PHYHIPL: variants seen among roughly 807,000 people sequenced by gnomAD.
The protein encoded by PHYHIPL is phytanoyl-CoA 2-hydroxylase interacting protein like.
Under a neutral mutation model 33.4 loss-of-function variants are expected in PHYHIPL, and 9 were observed. The observed-to-expected ratio is 0.27, with a 90% CI of 0.16 to 0.47. The LOEUF (loss-of-function observed/expected upper bound fraction) is 0.47. Ranked by LOEUF, PHYHIPL falls within the 20% of genes least tolerant of loss-of-function variation. The pLI, the probability that PHYHIPL is intolerant of heterozygous loss-of-function variation, is 0.99. For synonymous variants in PHYHIPL, 153 were observed against 154.1 expected (o/e 0.99, Z 0.05); for missense variants, 365 against 460.7 (o/e 0.79, Z 1.90).
chr10:59,176,775 T>G lies in PHYHIPL; in HGVS notation c.-79T>G. 1 of 1,317,164 alleles carries G rather than the reference T, an allele frequency of 7.6e-7. No individual in the cohort carries two copies. The allele number at this position is 1,317,164 out of a possible 1,614,324, so 81.6% of individuals were successfully genotyped here. On this transcript the variant is annotated 5_prime_UTR_variant, in exon 1 of 5. Coordinates refer to ENST00000373880, the MANE Select transcript of PHYHIPL (RefSeq NM_032439.4). Reference sequence around the variant, plus strand: ...CCCTCCCTCTGCCACTCCCCCTCCCTTTCCCGCTCTTCTTGCCCACCCGGC... The same window carrying G: ...CCCTCCCTCTGCCACTCCCCCTCCCGTTCCCGCTCTTCTTGCCCACCCGGC...
chr10:59,181,403 A>G (rs1182248412), intron 1 of PHYHIPL, among the ~76,000 whole-genome samples: 1 of 152,144 alleles, frequency 6.6e-6, no homozygotes, highest in Non-Finnish European at 1.5e-5. Context: ...TGAAATCACA[A>G]TTATAGTACT....
At chr10:59,230,083 G>T (rs144607787) in intron 1 of PHYHIPL, among the ~76,000 whole-genome samples, 4 of 152,138 alleles carry the variant, frequency 2.6e-5, no homozygotes, top group Non-Finnish European at 5.9e-5. Flanking sequence ...TGTAAAATGG[G>T]CTTATTATCC....
At chr10:59,203,695 C>T (rs1236616740) in intron 1 of PHYHIPL, among the ~76,000 whole-genome samples, 1 of 144,830 alleles carries the variant, frequency 6.9e-6, no homozygotes, top group Non-Finnish European at 1.5e-5. Context: ...CATGTTCTCA[C>T]TCATAAGTGG....
intron 1 of PHYHIPL, among the ~76,000 whole-genome samples, chr10:59,184,765 A>G (rs1838520497): frequency 6.6e-6 from 1 of 151,700 alleles, no homozygotes; most frequent in Non-Finnish European, 1.5e-5. Flanking sequence ...GTCATTTAGC[A>G]TTAGGTATAT....
chr10:59,235,404 A>G (rs972679979), intron 2 of PHYHIPL, among the ~76,000 whole-genome samples: 7 of 151,840 alleles, frequency 4.6e-5, no homozygotes, highest in Admixed American at 3.9e-4. Flanking sequence ...GTTTTCACTG[A>G]TGATGAAAAT....
intron 1 of PHYHIPL, among the ~76,000 whole-genome samples, chr10:59,225,657 A>T (rs895833914): frequency 2.0e-5 from 3 of 152,194 alleles, no homozygotes; most frequent in African/African-American, 7.2e-5. Flanking sequence ...AGAATAAACT[A>T]ATATGAAGTT....
intron 1 of PHYHIPL, among the ~76,000 whole-genome samples, chr10:59,213,074 G>C (rs1232680824): frequency 4.6e-5 from 7 of 151,972 alleles, no homozygotes; most frequent in Non-Finnish European, 1.0e-4. Context: ...CTCTGTATAT[G>C]GTTCCAAAAT....
chr10:59,211,434 T>C (rs1216096876), intron 1 of PHYHIPL, among the ~76,000 whole-genome samples: 1 of 151,990 alleles, frequency 6.6e-6, no homozygotes, highest in Admixed American at 6.6e-5. Context: ...TGGAGTACAA[T>C]GGCATGATCT....
intron 1 of PHYHIPL, among the ~76,000 whole-genome samples, chr10:59,180,257 T>TACACAC (rs140480148): frequency 0.12 from 13,982 of 118,640 alleles, 993 homozygotes; most frequent in South Asian, 0.17. Flanking sequence ...ATCATATATA[T>TACACAC]ACACACACAC....
At chr10:59,241,486 T>C (rs1269014581) in intron 4 of PHYHIPL, among the ~76,000 whole-genome samples, 1 of 152,156 alleles carries the variant, frequency 6.6e-6, no homozygotes, top group Non-Finnish European at 1.5e-5. Context: ...TAATTGTCCT[T>C]AAAACTCCTT....
At chr10:59,231,978 G>T (rs1840094727) in intron 1 of PHYHIPL, among the ~76,000 whole-genome samples, 1 of 151,856 alleles carries the variant, frequency 6.6e-6, no homozygotes. Flanking sequence ...GAGTGTAAGA[G>T]GAAACAAAAC....
At chr10:59,204,059 A>T (rs543676255) in intron 1 of PHYHIPL, among the ~76,000 whole-genome samples, 1 of 152,208 alleles carries the variant, frequency 6.6e-6, no homozygotes, top group African/African-American at 2.4e-5. Context: ...ATCAAATTCC[A>T]TGGGAAGTCT....
chr10:59,175,024 G>C (rs1838225457), upstream of PHYHIPL, among the ~76,000 whole-genome samples: 1 of 151,670 alleles, frequency 6.6e-6, no homozygotes, highest in South Asian at 2.1e-4. Flanking sequence ...TTTTTTTTGA[G>C]ATTTATAAAT....
At chr10:59,215,160 G>T (rs181600774) in intron 1 of PHYHIPL, among the ~76,000 whole-genome samples, 1 of 152,138 alleles carries the variant, frequency 6.6e-6, no homozygotes, top group Non-Finnish European at 1.5e-5. Flanking sequence ...CTTGGGGATG[G>T]AGTTGACAGG....
At chr10:59,180,131 A>G (rs1033684988) in intron 1 of PHYHIPL, among the ~76,000 whole-genome samples, 9 of 151,276 alleles carry the variant, frequency 5.9e-5, no homozygotes, top group Non-Finnish European at 1.2e-4. Context: ...AAACAATAAT[A>G]TGGGAGCCCA....
At chr10:59,199,561 A>G (rs889967674) in intron 1 of PHYHIPL, among the ~76,000 whole-genome samples, 2 of 152,240 alleles carry the variant, frequency 1.3e-5, no homozygotes, top group Non-Finnish European at 2.9e-5. Flanking sequence ...TTCCATATGA[A>G]CTTTAAAGTA....
intron 1 of PHYHIPL, among the ~76,000 whole-genome samples, chr10:59,179,271 C>T (rs552256548): frequency 2.6e-5 from 4 of 152,086 alleles, no homozygotes; most frequent in Admixed American, 1.3e-4. Context: ...GCTTTTTACT[C>T]CCTTTGCTTC....
intron 1 of PHYHIPL, among the ~76,000 whole-genome samples, chr10:59,217,362 A>C (rs1839647206): frequency 6.6e-6 from 1 of 152,052 alleles, no homozygotes; most frequent in South Asian, 2.1e-4. Context: ...ATATTTGATA[A>C]AAATGGGAAT....
intron 1 of PHYHIPL, among the ~76,000 whole-genome samples, chr10:59,190,501 A>G (rs1838755389): frequency 6.6e-6 from 1 of 151,944 alleles, no homozygotes; most frequent in South Asian, 2.1e-4. Flanking sequence ...TATTGATAAC[A>G]TTTTTAAAAC....
Sources: gnomAD v4.1 joint callset for allele counts (sites outside exome capture counted in the v4.1 genomes callset) on GRCh38, gnomAD v4.1.1 for gene constraint, MANE v1.5 for transcripts, NCBI Gene and HGNC (gene_info 2026-07-23, HGNC 2026-07-21) for gene names.